The following CCDC7 variants were observed in gnomAD, a reference collection of about 807,000 sequenced individuals.
The protein encoded by CCDC7 is coiled-coil domain containing 7.
Under a neutral mutation model 196.9 loss-of-function variants are expected in CCDC7, and 183 were observed. The observed-to-expected ratio is 0.93, with a 90% CI of 0.82 to 1.05. The LOEUF is 1.05. Among genes scored for constraint, CCDC7 ranks in the 50% least tolerant of loss-of-function variants. The probability of loss-of-function intolerance (pLI) is 0.00; values close to 1 mark genes in which losing one functional copy is unlikely to be tolerated. For synonymous variants in CCDC7, 525 were observed against 484.6 expected, an observed-to-expected ratio of 1.08 and a Z score of -1.10; for missense variants, 1,540 against 1,482.2, an observed-to-expected ratio of 1.04 and a Z score of -0.64.
At chr10:32,804,930 T>TACACAC (rs35054696) in intron 29 of CCDC7, 85 bp from the exon 31 acceptor site, 2 of 630,876 alleles carry the variant, frequency 3.2e-6, no homozygotes. Flanking sequence ...ATTAATTTAA[T>TACACAC]ACACACACAC....
chr10:32,566,737 C>A (rs7076503), intron 14 of CCDC7, among the ~76,000 whole-genome samples: 20,241 of 151,132 alleles, frequency 0.13, 1,599 homozygotes, highest in African/African-American at 0.23. Context: ...CATAGTGAAA[C>A]CCTGTCTCTA....
At chr10:32,618,394 A>T (rs1233003612) in intron 18 of CCDC7, among the ~76,000 whole-genome samples, 1 of 151,782 alleles carries the variant, frequency 6.6e-6, no homozygotes, top group Non-Finnish European at 1.5e-5. Flanking sequence ...TTTTATAAAA[A>T]CTAAGTTTTA....
chr10:32,445,228 T>C (rs1191385871), upstream of CCDC7, among the ~76,000 whole-genome samples: 2 of 152,286 alleles, frequency 1.3e-5, no homozygotes, highest in East Asian at 3.9e-4. Flanking sequence ...AGATGTGTTG[T>C]TTTCCCTTTC....
chr10:32,610,621 G>A (rs2062016763), intron 18 of CCDC7, among the ~76,000 whole-genome samples: 1 of 152,128 alleles, frequency 6.6e-6, no homozygotes, highest in African/African-American at 2.4e-5. Flanking sequence ...CCCTCCGGGA[G>A]CCCATATGTT....
chr10:32,610,575 C>G (rs935502896), intron 18 of CCDC7, among the ~76,000 whole-genome samples: 1 of 152,142 alleles, frequency 6.6e-6, no homozygotes, highest in Middle Eastern at 3.2e-3. Context: ...TCCCCTTGCC[C>G]TCTACCCCCA....
chr10:32,639,773 T>C (rs905627466), intron 20 of CCDC7, among the ~76,000 whole-genome samples: 1 of 151,914 alleles, frequency 6.6e-6, no homozygotes, highest in African/African-American at 2.4e-5. Context: ...GGACTACAGG[T>C]GCCCGCCAGC....
Position 32,535,463 on chromosome 10 carries a change from G to A in CCDC7, c.994-7837G>A, listed in dbSNP as rs527795758. ...TACATGTGAAGTATACATTGGTTTC[G>A]TCAGGAAAGGTGGGACAACTTGAAG... On this transcript the variant is annotated intron_variant, in intron 11 of 41. Coordinates refer to ENST00000639629, the Ensembl canonical transcript of CCDC7. Among the ~76,000 whole-genome samples, 3 of 152,220 alleles carry A rather than the reference G, an allele frequency of 2.0e-5. No individual in the cohort carries two copies. In the South Asian group the frequency reaches 6.2e-4, roughly 32 times the overall value.
upstream of CCDC7, among the ~76,000 whole-genome samples, chr10:32,445,512 G>T (rs953780592): frequency 1.3e-5 from 2 of 151,932 alleles, no homozygotes; most frequent in East Asian, 1.9e-4. Context: ...CAGTTAAATT[G>T]TATCAATTAA....
chr10:32,647,623 CAT>C (rs138459015), intron 20 of CCDC7, among the ~76,000 whole-genome samples: 16,002 of 152,052 alleles, frequency 0.11, 1,031 homozygotes, highest in South Asian at 0.25. Flanking sequence ...TTGTTGGCAG[CAT>C]ATGTCTTTTT....
At chr10:32,679,031 A>G (rs2075453311) in intron 21 of CCDC7, among the ~76,000 whole-genome samples, 1 of 151,946 alleles carries the variant, frequency 6.6e-6, no homozygotes, top group Admixed American at 6.6e-5. Context: ...ATTTTTTTTG[A>G]TTCATGAATA....
intron 41 of CCDC7, among the ~76,000 whole-genome samples, chr10:32,875,291 A>G (rs1030812940): frequency 6.6e-6 from 1 of 152,054 alleles, no homozygotes; most frequent in Non-Finnish European, 1.5e-5. Flanking sequence ...TCTTTAATCC[A>G]TCTTGAGTTA....
intron 18 of CCDC7, among the ~76,000 whole-genome samples, chr10:32,610,029 A>AGAGT: frequency 6.8e-6 from 1 of 146,422 alleles, no homozygotes; most frequent in African/African-American, 2.5e-5. Context: ...TGTATGTATG[A>AGAGT]GTGTGTGTGT....
chr10:32,777,089 T>G (rs2134216672), intron 28 of CCDC7, among the ~76,000 whole-genome samples: 1 of 152,314 alleles, frequency 6.6e-6, no homozygotes, highest in African/African-American at 2.4e-5. Context: ...TGTCTGTGTT[T>G]ACCCAGTGTT....
At chr10:32,695,746 G>A (rs1327732135) in intron 24 of CCDC7, among the ~76,000 whole-genome samples, 10 of 152,202 alleles carry the variant, frequency 6.6e-5, no homozygotes, top group Admixed American at 6.5e-4. Context: ...TTTAATGTAA[G>A]GCGGACTGAT....
At chr10:32,846,772 A>G (rs2093314916) in intron 37 of CCDC7, among the ~76,000 whole-genome samples, 1 of 152,228 alleles carries the variant, frequency 6.6e-6, no homozygotes, top group African/African-American at 2.4e-5. Context: ...ATATTTAATT[A>G]GCAAAAGCAG....
chr10:32,543,108 A>ACAC (rs1397663273), intron 11 of CCDC7, among the ~76,000 whole-genome samples, 192 bp from the exon 13 acceptor site: 1 of 152,324 alleles, frequency 6.6e-6, no homozygotes, highest in East Asian at 1.9e-4. Flanking sequence ...TATACAACTT[A>ACAC]CACCACGTAA....
At chr10:32,795,476 G>A (rs1186838489) in intron 29 of CCDC7, among the ~76,000 whole-genome samples, 1 of 152,060 alleles carries the variant, frequency 6.6e-6, no homozygotes, top group Non-Finnish European at 1.5e-5. Context: ...GCTTTTATTT[G>A]TAATCTTGTA....
At chr10:32,787,307 C>T (rs1304794550) in intron 29 of CCDC7, among the ~76,000 whole-genome samples, 1 of 151,290 alleles carries the variant, frequency 6.6e-6, no homozygotes, top group African/African-American at 2.4e-5. Context: ...TATGGAATGA[C>T]ATCAGCAAGA....
At chr10:32,816,555 C>A (rs1006432315) in intron 31 of CCDC7, among the ~76,000 whole-genome samples, 1 of 152,198 alleles carries the variant, frequency 6.6e-6, no homozygotes, top group African/African-American at 2.4e-5. Context: ...GGGTTCCTGA[C>A]CCTCGAGTAG....
Sources: allele counts gnomAD v4.1 joint callset (sites outside exome capture counted in the v4.1 genomes callset), GRCh38; gene constraint gnomAD v4.1.1; transcripts MANE v1.5; gene names NCBI Gene and HGNC (gene_info 2026-07-23, HGNC 2026-07-21).